Variants in SGCZ observed in about 807,000 individuals in gnomAD.
SGCZ encodes sarcoglycan zeta.
SGCZ carries 40 observed loss-of-function variants against 41.3 expected under a neutral mutation model. The observed-to-expected ratio is 0.97, with a 90% CI of 0.75 to 1.26. SGCZ has a LOEUF of 1.26. Among genes scored for constraint, SGCZ ranks in the 50% most tolerant of loss-of-function variants. The pLI, the probability that SGCZ is intolerant of heterozygous loss-of-function variation, is 0.00. For missense variants in SGCZ, 552 were observed against 369.8 expected (o/e 1.49, Z -4.04); for synonymous variants, 206 against 137.5 (o/e 1.50, Z -3.49).
intron 2 of SGCZ, among the ~76,000 whole-genome samples, chr8:14,329,809 C>T (rs1802249484): frequency 6.6e-6 from 1 of 152,040 alleles, no homozygotes; most frequent in Non-Finnish European, 1.5e-5. Flanking sequence ...TTGTTTTTAG[C>T]TGTTTGTTGG....
chr8:15,206,669 G>A (rs2054056), intron 1 of SGCZ, among the ~76,000 whole-genome samples: 4 of 152,014 alleles, frequency 2.6e-5, no homozygotes, highest in Non-Finnish European at 4.4e-5. Flanking sequence ...GGCTGGTCTC[G>A]AACTCCTGAC....
intron 5 of SGCZ, 85 bp downstream of exon 5, chr8:14,164,495 T>A: frequency 6.6e-7 from 1 of 1,510,232 alleles, no homozygotes; most frequent in Admixed American, 1.8e-5. Context: ...GGCATAGGAA[T>A]CATCCATCTT....
intron 1 of SGCZ, among the ~76,000 whole-genome samples, chr8:14,676,783 A>C (rs1808291335): frequency 1.3e-5 from 2 of 152,304 alleles, no homozygotes; most frequent in South Asian, 4.1e-4. Context: ...GAAATGAAAA[A>C]GCTCTTAGAA....
Position 15,164,161 on chromosome 8 carries a change from T to C in SGCZ, c.39+73424A>G, listed in dbSNP as rs1799588470. Among the ~76,000 whole-genome samples, 3 of 152,172 alleles carry C rather than the reference T, an allele frequency of 2.0e-5. No individual in the cohort carries two copies. The South Asian group carries it at 6.2e-4, about 32-fold the overall frequency. ...CATGGCCATGGGACAAAGAACCGTG[T>C]CTTCAGCTGAACTAAGGAAAAGTCC... is the stretch of plus-strand genomic sequence containing the variant. On this transcript the variant is annotated intron_variant, in intron 1 of 7. Coordinates refer to ENST00000382080, the MANE Select transcript of SGCZ (RefSeq NM_139167.4).
intron 1 of SGCZ, among the ~76,000 whole-genome samples, chr8:14,783,361 T>C (rs566170064): frequency 6.6e-6 from 1 of 150,964 alleles, no homozygotes; most frequent in African/African-American, 2.4e-5. Flanking sequence ...TTGAACCCGG[T>C]AGGTGGAAGT....
chr8:14,535,773 GA>G (rs1465228289), intron 2 of SGCZ, among the ~76,000 whole-genome samples: 3 of 151,846 alleles, frequency 2.0e-5, no homozygotes, highest in Non-Finnish European at 4.4e-5. Flanking sequence ...CCATTTTGGA[GA>G]ATGGATTAGG....
At chr8:14,837,144 C>A (rs188418284) in intron 1 of SGCZ, among the ~76,000 whole-genome samples, 1 of 152,242 alleles carries the variant, frequency 6.6e-6, no homozygotes, top group East Asian at 1.9e-4. Flanking sequence ...GCCTTCTCTG[C>A]AATCATGGAG....
At chr8:15,077,189 G>A (rs1044286999) in intron 1 of SGCZ, among the ~76,000 whole-genome samples, 3 of 152,016 alleles carry the variant, frequency 2.0e-5, no homozygotes, top group African/African-American at 7.3e-5. Context: ...GACCAAACTC[G>A]ACTTTATCAG....
chr8:14,416,434 G>C (rs1178169542), intron 2 of SGCZ, among the ~76,000 whole-genome samples: 3 of 151,908 alleles, frequency 2.0e-5, no homozygotes, highest in Admixed American at 1.3e-4. Flanking sequence ...GAACGAAAGA[G>C]TATTCAAAAT....
chr8:14,741,134 T>C (rs1485555761), intron 1 of SGCZ, among the ~76,000 whole-genome samples: 1 of 152,038 alleles, frequency 6.6e-6, no homozygotes. Context: ...TGTCTAAAGC[T>C]TGTGTATTTA....
intron 1 of SGCZ, among the ~76,000 whole-genome samples, chr8:15,106,835 A>G (rs1806844366): frequency 2.0e-5 from 3 of 152,246 alleles, no homozygotes; most frequent in South Asian, 4.1e-4. Flanking sequence ...CTGTTTCACA[A>G]CTAATCATGA....
At chr8:14,199,010 T>C (rs1475736965) in intron 4 of SGCZ, among the ~76,000 whole-genome samples, 7 of 152,178 alleles carry the variant, frequency 4.6e-5, no homozygotes, top group Non-Finnish European at 8.8e-5. Context: ...GCATGTGTGT[T>C]TGAACAATAT....
At chr8:14,122,443 A>T (rs1482614106) in intron 5 of SGCZ, among the ~76,000 whole-genome samples, 1 of 152,176 alleles carries the variant, frequency 6.6e-6, no homozygotes, top group Non-Finnish European at 1.5e-5. Context: ...AGAGTTCTTT[A>T]TGTGCACAGA....
intron 1 of SGCZ, among the ~76,000 whole-genome samples, chr8:15,147,996 C>A (rs1376565793): frequency 2.6e-5 from 4 of 152,168 alleles, no homozygotes; most frequent in Non-Finnish European, 1.5e-5. Context: ...ACCTAAACTT[C>A]CATTGTGGTC....
chr8:14,674,091 A>G (rs1451265965), intron 1 of SGCZ, among the ~76,000 whole-genome samples: 1 of 152,152 alleles, frequency 6.6e-6, no homozygotes, highest in Non-Finnish European at 1.5e-5. Flanking sequence ...AAATTAGTAT[A>G]AACTGTTAAA....
At chr8:14,882,868 G>C (rs114760591) in intron 1 of SGCZ, among the ~76,000 whole-genome samples, 1 of 151,828 alleles carries the variant, frequency 6.6e-6, no homozygotes, top group Non-Finnish European at 1.5e-5. Context: ...ACTTTGTTAT[G>C]TTCTCCCTCC....
At chr8:14,418,299 G>T (rs138704377) in intron 2 of SGCZ, among the ~76,000 whole-genome samples, 116 of 152,020 alleles carry the variant, frequency 7.6e-4, no homozygotes, top group Non-Finnish European at 1.3e-3. Context: ...TTTAACAAAT[G>T]TGAAGAGTAG....
At chr8:14,931,680 C>A (rs180863869) in intron 1 of SGCZ, among the ~76,000 whole-genome samples, 1 of 151,894 alleles carries the variant, frequency 6.6e-6, no homozygotes, top group South Asian at 2.1e-4. Flanking sequence ...ATGTGAATTA[C>A]GGAACATTAT....
chr8:14,360,789 ATTAT>A (rs757192967), intron 2 of SGCZ, among the ~76,000 whole-genome samples: 2 of 152,162 alleles, frequency 1.3e-5, no homozygotes, highest in Non-Finnish European at 2.9e-5. Context: ...CTGTGGGAAC[ATTAT>A]TTATTACTCT....
Sources: allele counts gnomAD v4.1 joint callset (sites outside exome capture counted in the v4.1 genomes callset), GRCh38; gene constraint gnomAD v4.1.1; transcripts MANE v1.5; gene names NCBI Gene and HGNC (gene_info 2026-07-23, HGNC 2026-07-21).